TNIK: variants seen among roughly 807,000 people sequenced by gnomAD.
TNIK encodes the protein TRAF2 and NCK interacting kinase, also known as TRAF2 and NCK-interacting protein kinase.
In TNIK, 49 loss-of-function variants were observed where a neutral mutation model predicts 191.3. The ratio of observed to expected loss-of-function variants is 0.26; its 90% CI spans 0.20 to 0.32. The LOEUF (loss-of-function observed/expected upper bound fraction) is 0.32, where lower values mean the gene tolerates loss of function less well. TNIK is among the 10% of genes least tolerant of loss of function. TNIK has a pLI of 1.00. For missense variants in TNIK, 1,155 were observed against 1,702.3 expected, an observed-to-expected ratio of 0.68 and a Z score of 5.66; for synonymous variants, 594 against 600.9, an observed-to-expected ratio of 0.99 and a Z score of 0.17.
intron 5 of TNIK, among the ~76,000 whole-genome samples, chr3:171,191,534 G>A (rs1010246888): frequency 1.3e-5 from 2 of 152,142 alleles, no homozygotes; most frequent in African/African-American, 4.8e-5. Flanking sequence ...CACAGCACCC[G>A]GCCTTGTTAT....
Position 171,211,158 on chromosome 3 carries a change from A to G in TNIK, c.264T>C (p.Ala88=), listed in dbSNP as rs1219350216. Residue 88 remains alanine, a synonymous_variant, in exon 4 of 33, where the codon GCT becomes GCC. Coordinates refer to ENST00000436636, the MANE Select transcript of TNIK (RefSeq NM_015028.4). ...TGCCTGGTGGGTTCTTTTTGATAAA[A>G]GCACCATAGTATGTAGCAATATTCC... ...HHRNIATYYG[A]FIKKNPPGMD... 2 of 1,613,066 alleles carry G rather than the reference A, an allele frequency of 1.2e-6. No individual in the cohort carries two copies. The highest frequency in any genetic ancestry group is 1.7e-4 in the Middle Eastern group (1 of 5,966).
At chr3:171,454,614 T>A (rs1207210282) in intron 1 of TNIK, among the ~76,000 whole-genome samples, 1 of 152,208 alleles carries the variant, frequency 6.6e-6, no homozygotes, top group East Asian at 1.9e-4. Flanking sequence ...CTACTTTTTA[T>A]GAGGCAATGC....
intron 21 of TNIK, among the ~76,000 whole-genome samples, chr3:171,106,042 A>G (rs991456661): frequency 1.3e-5 from 2 of 152,110 alleles, no homozygotes; most frequent in Non-Finnish European, 2.9e-5. Context: ...ATAAGCAACA[A>G]TCCTTCAACT....
intron 2 of TNIK, among the ~76,000 whole-genome samples, chr3:171,338,776 T>C (rs1445541494): frequency 6.6e-6 from 1 of 152,062 alleles, no homozygotes; most frequent in Admixed American, 6.6e-5. Context: ...GTGCCGGGAT[T>C]ACAGGTATCA....
intron 2 of TNIK, among the ~76,000 whole-genome samples, chr3:171,320,004 G>C (rs1246220880): frequency 6.6e-6 from 1 of 152,120 alleles, no homozygotes; most frequent in Non-Finnish European, 1.5e-5. Flanking sequence ...GAAAGCGTAG[G>C]AGAGGAGAGT....
At chr3:171,092,239 C>A (rs143231582) in intron 23 of TNIK, among the ~76,000 whole-genome samples, 1 of 152,102 alleles carries the variant, frequency 6.6e-6, no homozygotes, top group South Asian at 2.1e-4. Context: ...CGAGCCACCG[C>A]GCCCGGCTGC....
At chr3:171,405,715 G>C (rs1721582634) in intron 1 of TNIK, among the ~76,000 whole-genome samples, 1 of 152,290 alleles carries the variant, frequency 6.6e-6, no homozygotes, top group South Asian at 2.1e-4. Context: ...TTTCTACAGA[G>C]CATCCCAAAA....
chr3:171,449,599 A>G (rs1727932126), intron 1 of TNIK, among the ~76,000 whole-genome samples: 1 of 152,098 alleles, frequency 6.6e-6, no homozygotes, highest in African/African-American at 2.4e-5. Flanking sequence ...ATGCATAGGA[A>G]AAAACTACTA....
At chr3:171,274,660 G>A (rs1343852814) in intron 2 of TNIK, among the ~76,000 whole-genome samples, 7 of 152,174 alleles carry the variant, frequency 4.6e-5, no homozygotes, top group African/African-American at 1.4e-4. Flanking sequence ...ATAAAATATT[G>A]TCTAATAATT....
intron 27 of TNIK, among the ~76,000 whole-genome samples, chr3:171,080,446 T>TA (rs201834247): frequency 0.028 from 3,448 of 123,496 alleles, 122 homozygotes; most frequent in African/African-American, 0.098. Flanking sequence ...TTTATTTATT[T>TA]TTTTTTGAGA....
chr3:171,084,037 T>C (rs1721024814), intron 26 of TNIK, 118 bp downstream of exon 26: 2 of 1,323,414 alleles, frequency 1.5e-6, no homozygotes, highest in Admixed American at 5.8e-5. Context: ...AGGTCTCTAA[T>C]ACCCAGGATT....
intron 15 of TNIK, among the ~76,000 whole-genome samples, chr3:171,137,108 CTTTTT>C (rs71176593): frequency 1.0e-3 from 109 of 104,148 alleles, no homozygotes; most frequent in African/African-American, 3.8e-3. Flanking sequence ...TTTAAAAATC[CTTTTT>C]TTTTTTTTTT....
chr3:171,307,732 CTGGGATGGTTCTCAAAGTGGTT>C (rs1753600598), intron 2 of TNIK, among the ~76,000 whole-genome samples: 1 of 152,116 alleles, frequency 6.6e-6, no homozygotes, highest in African/African-American at 2.4e-5. Context: ...TGTCAATGGT[CTGGGATGGTTCTCAAAGTGGTT>C]TGGGGACCTC....
chr3:171,363,621 C>A (rs562707630), intron 2 of TNIK, among the ~76,000 whole-genome samples: 7 of 152,228 alleles, frequency 4.6e-5, no homozygotes, highest in Non-Finnish European at 8.8e-5. Flanking sequence ...CTATGAAAAG[C>A]TACAGTGCAT....
intron 22 of TNIK, 39 bp from the exon 23 acceptor site, chr3:171,094,007 T>G: frequency 6.3e-7 from 1 of 1,597,914 alleles, no homozygotes; most frequent in Non-Finnish European, 8.5e-7. Flanking sequence ...CAATGTATCT[T>G]TAGGAAATAT....
intron 4 of TNIK, among the ~76,000 whole-genome samples, chr3:171,203,732 C>T (rs567286505): frequency 1.3e-5 from 2 of 152,166 alleles, no homozygotes; most frequent in Non-Finnish European, 2.9e-5. Context: ...AATCCAAATG[C>T]CAGACACATT....
chr3:171,258,530 C>G (rs561505055), intron 2 of TNIK, among the ~76,000 whole-genome samples: 1 of 152,308 alleles, frequency 6.6e-6, no homozygotes, highest in South Asian at 2.1e-4. Flanking sequence ...GCTCTCCTCA[C>G]AACTGCCTGT....
At chr3:171,134,795 T>C (rs539802256) in intron 15 of TNIK, among the ~76,000 whole-genome samples, 7 of 151,740 alleles carry the variant, frequency 4.6e-5, no homozygotes, top group African/African-American at 1.7e-4. Context: ...TTTTACAAAA[T>C]GAAGAAACAA....
chr3:171,384,687 TCAGATATTTATGG>T (rs1718496166), intron 1 of TNIK, among the ~76,000 whole-genome samples: 2 of 152,210 alleles, frequency 1.3e-5, no homozygotes, highest in South Asian at 4.1e-4. Flanking sequence ...TTTAAAGGAT[TCAGATATTTATGG>T]CATGAGCTGG....
Sources: allele counts gnomAD v4.1 joint callset (sites outside exome capture counted in the v4.1 genomes callset), GRCh38; gene constraint gnomAD v4.1.1; transcripts MANE v1.5; gene names NCBI Gene and HGNC (gene_info 2026-07-23, HGNC 2026-07-21).